Variants in TCF4 observed in about 807,000 individuals in gnomAD.
TCF4 encodes SL3-3 enhancer factor 2.
Under a neutral mutation model 82.1 loss-of-function variants are expected in TCF4, and 3 were observed. The ratio of observed to expected loss-of-function variants is 0.04; its 90% CI spans 0.02 to 0.09. TCF4 has a LOEUF of 0.09. TCF4 is among the 10% of genes least tolerant of loss of function. The pLI, the probability that TCF4 is intolerant of heterozygous loss-of-function variation, is 1.00. For missense variants in TCF4, 518 were observed against 852.7 expected, an observed-to-expected ratio of 0.61 and a Z score of 4.89; for synonymous variants, 276 against 309.6, an observed-to-expected ratio of 0.89 and a Z score of 1.14.
intron 6 of TCF4, among the ~76,000 whole-genome samples, chr18:55,367,874 C>A (rs1372417267): frequency 6.6e-6 from 1 of 152,138 alleles, no homozygotes; most frequent in African/African-American, 2.4e-5. Flanking sequence ...CTTCATTAAA[C>A]CAATTTACTT....
intron 5 of TCF4, among the ~76,000 whole-genome samples, chr18:55,416,089 C>T (rs962026288): frequency 6.6e-6 from 1 of 152,104 alleles, no homozygotes; most frequent in African/African-American, 2.4e-5. Flanking sequence ...TTGGGGTTTA[C>T]AGTAGGTTAT....
At chr18:55,622,031 T>TAA (rs1442057846) in intron 2 of TCF4, among the ~76,000 whole-genome samples, 2 of 134,552 alleles carry the variant, frequency 1.5e-5, no homozygotes, top group South Asian at 4.3e-4. Context: ...ACACTATATA[T>TAA]TATATATACA....
chr18:55,488,530 G>A (rs749287143), intron 3 of TCF4, among the ~76,000 whole-genome samples: 1 of 152,084 alleles, frequency 6.6e-6, no homozygotes, highest in Non-Finnish European at 1.5e-5. Context: ...AAAATTGAAA[G>A]GTGCTTGCCA....
At chr18:55,365,511 A>G (rs558741871) in intron 6 of TCF4, among the ~76,000 whole-genome samples, 1 of 151,958 alleles carries the variant, frequency 6.6e-6, no homozygotes, top group Non-Finnish European at 1.5e-5. Context: ...GCCAAAAGTC[A>G]GCTCCCTAAT....
rs1482732563 is a variant in TCF4, at chr18:55,401,484, A to G, written c.369+1970T>C. On this transcript the variant is annotated intron_variant, in intron 6 of 19. Coordinates refer to ENST00000354452, the MANE Select transcript of TCF4 (RefSeq NM_001083962.2). ...TACAAAAGAATTTTCCTGGACATTA[A>G]TGCCTCAAAACGAACCTCCCAAGGC... The G allele has an allele frequency of 8.1e-6, 8 of 992,738 alleles. No individual in the cohort carries two copies. In the East Asian group the frequency reaches 8.8e-4, roughly 109 times the overall value. 61.5% of individuals were successfully genotyped at this position (992,738 alleles called of 1,614,324 possible). A position where few individuals can be genotyped will look rare whatever the true frequency, so the allele number is the denominator to read the frequency against.
chr18:55,489,078 G>A (rs1237173930), intron 3 of TCF4, among the ~76,000 whole-genome samples: 2 of 152,130 alleles, frequency 1.3e-5, no homozygotes, highest in Non-Finnish European at 2.9e-5. Flanking sequence ...CACTCCCAGT[G>A]GAGCCCAGGA....
At chr18:55,613,730 C>G (rs370589036) in intron 2 of TCF4, among the ~76,000 whole-genome samples, 41 of 152,152 alleles carry the variant, frequency 2.7e-4, no homozygotes, top group African/African-American at 9.7e-4. Flanking sequence ...AACTATCACA[C>G]GAACAGCAAG....
At chr18:55,378,364 A>T (rs980425958) in intron 6 of TCF4, among the ~76,000 whole-genome samples, 2 of 152,204 alleles carry the variant, frequency 1.3e-5, no homozygotes, top group African/African-American at 4.8e-5. Context: ...ACATACATTA[A>T]ATTATTTAAT....
intron 3 of TCF4, among the ~76,000 whole-genome samples, chr18:55,543,454 C>T (rs1603620512): frequency 6.6e-6 from 1 of 152,110 alleles, no homozygotes; most frequent in East Asian, 1.9e-4. Context: ...AAGTAAAATG[C>T]TCTCCTTTTC....
chr18:55,392,885 T>A (rs2093254777), intron 6 of TCF4, among the ~76,000 whole-genome samples: 1 of 152,266 alleles, frequency 6.6e-6, no homozygotes, highest in East Asian at 1.9e-4. Flanking sequence ...AGCAAAAAAA[T>A]TCTTCTTGGT....
chr18:55,394,546 G>A (rs1442753180), intron 6 of TCF4, among the ~76,000 whole-genome samples: 1 of 152,108 alleles, frequency 6.6e-6, no homozygotes, highest in East Asian at 1.9e-4. Flanking sequence ...TCTATTCAAC[G>A]AGATCTGGTG....
At chr18:55,374,821 T>A (rs2090304498) in intron 6 of TCF4, among the ~76,000 whole-genome samples, 1 of 134,342 alleles carries the variant, frequency 7.4e-6, no homozygotes, top group Admixed American at 8.5e-5. Context: ...TGAGCCATGA[T>A]CACACCACTG....
intron 5 of TCF4, among the ~76,000 whole-genome samples, chr18:55,412,515 G>A (rs1294531619): frequency 6.6e-6 from 1 of 152,092 alleles, no homozygotes; most frequent in Middle Eastern, 3.2e-3. Context: ...TCTCAAGAGT[G>A]GATGTCACCT....
intron 3 of TCF4, among the ~76,000 whole-genome samples, chr18:55,492,552 A>G (rs1244479643): frequency 1.3e-5 from 2 of 152,214 alleles, no homozygotes; most frequent in Admixed American, 6.5e-5. Context: ...CACTACCTTT[A>G]AAGCATTGTT....
Position 55,223,477 on chromosome 18 carries a change from T to C in TCF4, c.*4558A>G, listed in dbSNP as rs1181173463. ...TTTATAAAAATGGCACATTTATTGCTACAGAACGGTCATGTACATGACTTC... is the reference window on the plus strand; with the variant it reads ...TTTATAAAAATGGCACATTTATTGCCACAGAACGGTCATGTACATGACTTC... On this transcript the variant is annotated 3_prime_UTR_variant, in exon 20 of 20. Coordinates refer to ENST00000354452, the MANE Select transcript of TCF4 (RefSeq NM_001083962.2). The C allele has an allele frequency of 1.3e-5, 2 of 152,636 alleles. No individual in the cohort carries two copies. 9.5% of individuals were successfully genotyped at this position (152,636 alleles called of 1,614,324 possible).
rs563617852 is a variant in TCF4, at chr18:55,616,209, A to G, written c.286+15089T>C. On this transcript the variant is annotated intron_variant, in intron 2 of 20. Transcript: ENST00000398339. Reference sequence around the variant, plus strand: ...AATGTAACCATTTTACATACTTTATATAAGTTGAGTTATGAAGTATTTGTC... The same window carrying G: ...AATGTAACCATTTTACATACTTTATGTAAGTTGAGTTATGAAGTATTTGTC... Among the ~76,000 whole-genome samples the G allele has an allele frequency of 6.4e-4, 97 of 152,182 alleles. No homozygotes were observed. In the Middle Eastern group the frequency reaches 0.01, roughly 16 times the overall value.
intron 3 of TCF4, among the ~76,000 whole-genome samples, chr18:55,518,513 A>AAAAC (rs1325601443): frequency 6.6e-6 from 1 of 152,210 alleles, no homozygotes; most frequent in Non-Finnish European, 1.5e-5. Context: ...AAACTATTGG[A>AAAAC]AAACATATTC....
At chr18:55,391,902 C>T (rs1467327928) in intron 6 of TCF4, among the ~76,000 whole-genome samples, 5 of 142,570 alleles carry the variant, frequency 3.5e-5, no homozygotes, top group Admixed American at 2.8e-4. Flanking sequence ...TGTGCCACTG[C>T]ACTGCAGCCT....
intron 11 of TCF4, chr18:55,265,435 A>G (rs1600710578): frequency 2.0e-5 from 3 of 152,150 alleles, no homozygotes; most frequent in African/African-American, 7.2e-5. Flanking sequence ...ATAGACTACA[A>G]TGCACTATTT....
Sources: allele counts gnomAD v4.1 joint callset (sites outside exome capture counted in the v4.1 genomes callset), GRCh38; gene constraint gnomAD v4.1.1; transcripts MANE v1.5; gene names NCBI Gene and HGNC (gene_info 2026-07-23, HGNC 2026-07-21).